Variants in RTTN observed in about 807,000 individuals in gnomAD.
The protein encoded by RTTN is rotatin.
Under a neutral mutation model 269.2 loss-of-function variants are expected in RTTN, and 182 were observed. That is an observed-to-expected ratio of 0.68 (90% CI 0.60 to 0.76). The LOEUF (loss-of-function observed/expected upper bound fraction) is 0.76. Ranked by LOEUF, RTTN falls within the 30% of genes least tolerant of loss-of-function variation. The probability of loss-of-function intolerance (pLI) is 0.00; values close to 1 mark genes in which losing one functional copy is unlikely to be tolerated. For missense variants in RTTN, 2,545 were observed against 2,608.6 expected, an observed-to-expected ratio of 0.98 and a Z score of 0.53; for synonymous variants, 1,006 against 963.5, an observed-to-expected ratio of 1.04 and a Z score of -0.82.
chr18:70,072,180 A>T (rs1356698925), intron 34 of RTTN, among the ~76,000 whole-genome samples: 1 of 152,156 alleles, frequency 6.6e-6, no homozygotes, highest in East Asian at 1.9e-4. Context: ...CTATTTTTGT[A>T]ACTAAAAGTC....
At position 70,201,770 on chromosome 18, in the gene RTTN, T is replaced by G. The variant is rs550520691; in HGVS notation, c.487+124A>C. The G allele has an allele frequency of 1.4e-5, 9 of 626,904 alleles. No individual in the cohort carries two copies. The South Asian group carries it at 1.6e-4, about 11-fold the overall frequency. The allele number at this position is 626,904 out of a possible 1,614,324, so 38.8% of individuals were successfully genotyped here. On this transcript the variant is annotated intron_variant, in intron 4 of 48. Coordinates refer to ENST00000640769, the MANE Select transcript of RTTN (RefSeq NM_173630.4). ...AAACTAACTTGAAACAACTAAAACA[T>G]TTAATGATAGTTTGGTGCTGAAACA...
intron 26 of RTTN, among the ~76,000 whole-genome samples, chr18:70,118,734 A>G (rs1373268638): frequency 6.6e-6 from 1 of 152,174 alleles, no homozygotes; most frequent in Admixed American, 6.5e-5. Flanking sequence ...AAGATCACTC[A>G]CTATAATCAA....
intron 31 of RTTN, 86 bp downstream of exon 31, chr18:70,087,903 C>T (rs1233056028): frequency 1.7e-5 from 23 of 1,382,006 alleles, no homozygotes; most frequent in Non-Finnish European, 2.0e-5. Flanking sequence ...GTGGTCAGTC[C>T]ACCATGTTGA....
intron 32 of RTTN, among the ~76,000 whole-genome samples, chr18:70,079,403 T>C (rs768676177): frequency 6.6e-6 from 1 of 152,092 alleles, no homozygotes; most frequent in Non-Finnish European, 1.5e-5. Context: ...AGCTTTATAA[T>C]GGAGCCAAGC....
intron 46 of RTTN, among the ~76,000 whole-genome samples, chr18:70,016,236 C>T (rs539633714): frequency 3.9e-5 from 6 of 152,126 alleles, no homozygotes; most frequent in African/African-American, 1.2e-4. Flanking sequence ...GAATCATTTT[C>T]GTACACTTAG....
chr18:70,053,576 T>A (rs928937866), intron 38 of RTTN: 3 of 152,224 alleles, frequency 2.0e-5, no homozygotes, highest in African/African-American at 7.2e-5. Flanking sequence ...TACCAAATGG[T>A]CAATTACTTC....
intron 1 of RTTN, 109 bp from the exon 2 acceptor site, chr18:70,205,424 G>A: frequency 1.4e-6 from 2 of 1,461,578 alleles, no homozygotes; most frequent in Non-Finnish European, 1.9e-6. Flanking sequence ...GTTTTTTTCA[G>A]AAGCAGGCCA....
Position 70,139,615 on chromosome 18 carries a change from C to T in RTTN, c.2772G>A (p.Leu924=), listed in dbSNP as rs377105957. Residue 924 remains leucine, a synonymous_variant, in exon 21 of 49, where the codon TTG becomes TTA. Transcript: ENST00000640769. The part of the protein sequence containing the change: ...RVSLSQQSSL[L]TVLFRVSLIF... ...TTTATTTACCTCTGAATAACACGGT[C>T]AAAAGAGAAGACTGTTGCGAGAGCG... 1.9e-6 allele frequency: 3 copies of T among 1,608,468 alleles called. No individual in the cohort carries two copies. The highest frequency in any genetic ancestry group is 2.6e-6 in the Non-Finnish European group (3 of 1,175,528).
At chr18:70,203,397 G>A (rs992035578) in intron 3 of RTTN, among the ~76,000 whole-genome samples, 4 of 152,080 alleles carry the variant, frequency 2.6e-5, no homozygotes, top group East Asian at 1.9e-4. Context: ...TAGTAGTGAC[G>A]GGGCACCATG....
rs1392482904 is a variant in RTTN at position 70,190,556 on chromosome 18, C to G, written c.1171G>C (p.Val391Leu). Residue 391 changes from valine (V) to leucine (L), a missense_variant, in exon 9 of 49, where the codon GTT (valine) becomes CTT (leucine). Transcript: ENST00000640769. ...AACTAACCTGTTCTTAAGAGAGGAA[C>G]AGCTGATTCCAGAATGGAGACACAA... The part of the protein sequence containing the change: ...QFCVSILESA[V>L]PLLRTGSRQV... 8.1e-6 allele frequency: 13 copies of G among 1,612,476 alleles called. No individual in the cohort carries two copies. The highest frequency in any genetic ancestry group is 1.1e-5 in the Non-Finnish European group (13 of 1,178,744).
chr18:70,098,897 G>C (rs1290565777), intron 28 of RTTN, among the ~76,000 whole-genome samples: 1 of 152,076 alleles, frequency 6.6e-6, no homozygotes, highest in Non-Finnish European at 1.5e-5. Flanking sequence ...GCAGTGTTCG[G>C]TTATCTGTCC....
chr18:70,054,888 A>G (rs992497053), intron 37 of RTTN, among the ~76,000 whole-genome samples: 2 of 152,182 alleles, frequency 1.3e-5, no homozygotes, highest in Non-Finnish European at 2.9e-5. Flanking sequence ...GAAGAAGTGG[A>G]AAAGTGTATA....
chr18:70,095,797 T>C (rs1417047954), intron 28 of RTTN, among the ~76,000 whole-genome samples: 1 of 152,144 alleles, frequency 6.6e-6, no homozygotes, highest in Admixed American at 6.5e-5. Flanking sequence ...TCGGGGAGCA[T>C]GTTTGTGGTG....
chr18:70,151,803 C>T (rs376861484), intron 14 of RTTN, among the ~76,000 whole-genome samples: 3 of 152,168 alleles, frequency 2.0e-5, no homozygotes, highest in Non-Finnish European at 2.9e-5. Context: ...TTTTTCTTCA[C>T]ATGATTATTC....
chr18:70,121,098 T>C (rs1183140365), intron 26 of RTTN, among the ~76,000 whole-genome samples: 1 of 151,930 alleles, frequency 6.6e-6, no homozygotes, highest in Admixed American at 6.6e-5. Flanking sequence ...GAGCTAAAAA[T>C]CTGACAGTAG....
Position 70,127,618 on chromosome 18 carries a change from C to G in RTTN, c.3267G>C (p.Arg1089Ser), listed in dbSNP as rs2059898537. The G allele has an allele frequency of 6.2e-7, 1 of 1,613,386 alleles. No individual in the cohort carries two copies. Among genetic ancestry groups the G allele is most frequent in the Admixed American group, 1.7e-5 (1 of 59,836 alleles). Reference sequence around the variant, plus strand: ...AAAAACTCATCCTGGTGACAGCAGCCCTAACTTCCCTGTGGGTTGCAGCCT... The same window carrying G: ...AAAAACTCATCCTGGTGACAGCAGCGCTAACTTCCCTGTGGGTTGCAGCCT... ...IVQAATHREV[R>S]AAVTRMSFYL... The change falls in exon 25 of 49, where the codon AGG (arginine) becomes AGC (serine). Residue 1089 changes from arginine to serine, a missense_variant. Arg to Ser is a moderately radical substitution (Grantham distance 110). Coordinates refer to ENST00000640769, the MANE Select transcript of RTTN (RefSeq NM_173630.4).
At chr18:70,052,604 C>G (rs2057700820) in intron 38 of RTTN, among the ~76,000 whole-genome samples, 1 of 148,948 alleles carries the variant, frequency 6.7e-6, no homozygotes, top group Admixed American at 6.7e-5. Flanking sequence ...AGCTTTGCAC[C>G]TATACTTGCT....
At chr18:70,086,531 G>T in intron 32 of RTTN, 82 bp downstream of exon 32, 1 of 1,083,702 alleles carries the variant, frequency 9.2e-7, no homozygotes, top group Non-Finnish European at 1.4e-6. Context: ...CATCAATAAT[G>T]AAATATACTA....
Position 70,031,426 on chromosome 18 carries a change from G to A in RTTN, c.5542-445C>T, listed in dbSNP as rs2057009648. ...TCTAAACTACCCCTATATCTCAGGT[G>A]ATTTGGTTCTTTCCATCTTTCGTTT... On this transcript the variant is annotated intron_variant, in intron 40 of 48. Transcript: ENST00000640769. The A allele has an allele frequency of 7.5e-6, 3 of 398,194 alleles. No homozygotes were observed. The East Asian group carries it at 1.1e-4, about 14-fold the overall frequency. 24.7% of individuals were successfully genotyped at this position (398,194 alleles called of 1,614,324 possible). A position where few individuals can be genotyped will look rare whatever the true frequency, so the allele number is the denominator to read the frequency against.
Sources: allele counts gnomAD v4.1 joint callset (sites outside exome capture counted in the v4.1 genomes callset), GRCh38; gene constraint gnomAD v4.1.1; transcripts MANE v1.5; gene names NCBI Gene and HGNC (gene_info 2026-07-23, HGNC 2026-07-21).